The following TTC33 variants were observed in gnomAD, a reference collection of about 807,000 sequenced individuals.
TTC33 encodes tetratricopeptide repeat protein 33.
TTC33 carries 24 observed loss-of-function variants against 29.4 expected under a neutral mutation model. The ratio of observed to expected loss-of-function variants is 0.82; its 90% CI spans 0.59 to 1.15. The LOEUF (loss-of-function observed/expected upper bound fraction) is 1.15, where lower values mean the gene tolerates loss of function less well. Among genes scored for constraint, TTC33 ranks in the 50% most tolerant of loss-of-function variants. The pLI is 0.00. For missense variants in TTC33, 286 were observed against 310.4 expected (o/e 0.92, Z 0.59); for synonymous variants, 107 against 100.3 (o/e 1.07, Z -0.40).
chr5:40,738,819 T>A (rs534994199), intron 2 of TTC33, among the ~76,000 whole-genome samples: 1 of 152,160 alleles, frequency 6.6e-6, no homozygotes, highest in African/African-American at 2.4e-5. Context: ...CAGCTTTTTT[T>A]ATGCTTCTTG....
At chr5:40,731,072 T>C (rs56752286) in intron 2 of TTC33, among the ~76,000 whole-genome samples, 53,078 of 152,066 alleles carry the variant, frequency 0.35, 10,200 homozygotes, top group Admixed American at 0.45. Context: ...CTCTAAACAA[T>C]ATTTCCAAAT....
chr5:40,754,845 G>C (rs565262216), intron 1 of TTC33, among the ~76,000 whole-genome samples: 4 of 152,290 alleles, frequency 2.6e-5, no homozygotes, highest in African/African-American at 9.6e-5. Context: ...AACATTCCCA[G>C]TTGTTTCAGA....
intron 2 of TTC33, among the ~76,000 whole-genome samples, chr5:40,741,057 T>TAAA (rs1322227246): frequency 6.6e-6 from 1 of 152,226 alleles, no homozygotes; most frequent in Non-Finnish European, 1.5e-5. Flanking sequence ...TATTTCTGAA[T>TAAA]GTTTCTATTG....
chr5:40,718,512 T>C (rs1456123631), intron 4 of TTC33, among the ~76,000 whole-genome samples: 3 of 151,842 alleles, frequency 2.0e-5, no homozygotes, highest in Non-Finnish European at 4.4e-5. Context: ...CAGGCGGAGG[T>C]GGGCAGATCA....
In TTC33 at chr5:40,728,491, A is replaced by G; in HGVS notation, c.304-15T>C. On this transcript the variant is annotated splice_polypyrimidine_tract_variant and intron_variant, in intron 3 of 4. Transcript: ENST00000337702. The stretch of plus-strand genomic sequence containing the variant: ...GACATTAGCACCTATAGGCAAAAAA[A>G]GACCAAAAAATCTGTCAGTAATATT... The G allele has an allele frequency of 6.3e-7, 1 of 1,578,440 alleles. No individual in the cohort carries two copies. Among genetic ancestry groups the G allele is most frequent in the East Asian group, 2.2e-5 (1 of 44,486 alleles).
At chr5:40,754,886 C>T (rs1418561435) in intron 1 of TTC33, among the ~76,000 whole-genome samples, 1 of 152,212 alleles carries the variant, frequency 6.6e-6, no homozygotes, top group Non-Finnish European at 1.5e-5. Context: ...TATTGTTCCT[C>T]TATGACTATC....
chr5:40,741,420 CA>C (rs1742692807), intron 2 of TTC33, among the ~76,000 whole-genome samples: 1 of 152,188 alleles, frequency 6.6e-6, no homozygotes, highest in East Asian at 1.9e-4. Context: ...ACGAATGGTT[CA>C]GCTTACAACT....
In TTC33 at chr5:40,728,397, T is replaced by A. The variant is rs762832698; in HGVS notation, c.383A>T (p.Glu128Val). 1 of 1,606,868 alleles carries A rather than the reference T, an allele frequency of 6.2e-7. No homozygotes were observed. The highest frequency in any genetic ancestry group is 1.1e-5 in the South Asian group (1 of 90,884). ...MAVQQNPHSW[E>V]SWQTLGRAQL... ...AGCACGTCCCAAAGTCTGCCAAGAC[T>A]CCCATGAATGTGGATTTTGCTGGAC... is the stretch of plus-strand genomic sequence containing the variant. Residue 128 changes from glutamate to valine, a missense_variant, in exon 4 of 5, where the codon GAG becomes GTG. Transcript: ENST00000337702.
chr5:40,739,193 C>T (rs1742640156), intron 2 of TTC33, among the ~76,000 whole-genome samples: 1 of 152,138 alleles, frequency 6.6e-6, no homozygotes, highest in Non-Finnish European at 1.5e-5. Context: ...TATAAGTTCC[C>T]TAAGTATGTT....
chr5:40,743,837 C>T (rs755117990), intron 2 of TTC33, among the ~76,000 whole-genome samples: 49 of 152,150 alleles, frequency 3.2e-4, no homozygotes, highest in Non-Finnish European at 6.5e-4. Context: ...AAAATAAATG[C>T]TAAAGAGCAA....
At chr5:40,730,764 A>G (rs1280005950) in intron 2 of TTC33, among the ~76,000 whole-genome samples, 1 of 152,214 alleles carries the variant, frequency 6.6e-6, no homozygotes, top group Non-Finnish European at 1.5e-5. Context: ...GCAACTTACT[A>G]AAGTACAAAA....
chr5:40,711,728 CAT>C lies in TTC33; in HGVS notation c.*4415_*4416del, dbSNP rs2111848666. 1.3e-5 allele frequency among the ~76,000 whole-genome samples: 2 copies of C among 152,148 alleles called. No homozygotes were observed. Among genetic ancestry groups the C allele is most frequent in the East Asian group, 3.9e-4 (2 of 5,170 alleles). Reference sequence around the variant, plus strand: ...TAAAAAGGAACTTATTATTGATACACATGATAACATGGATGAATCTCAACATG... The same window carrying C: ...TAAAAAGGAACTTATTATTGATACACGATAACATGGATGAATCTCAACATG... On this transcript the variant is annotated 3_prime_UTR_variant, in exon 5 of 5. Transcript: ENST00000337702.
chr5:40,752,337 G>A (rs1423825614), intron 1 of TTC33, among the ~76,000 whole-genome samples: 1 of 152,184 alleles, frequency 6.6e-6, no homozygotes, highest in Non-Finnish European at 1.5e-5. Flanking sequence ...TTTCATTGAA[G>A]AACTTTTCCT....
Position 40,716,150 on chromosome 5 carries a change from G to C in TTC33, c.784C>G (p.Arg262Gly). 1 of 1,596,282 alleles carries C rather than the reference G, an allele frequency of 6.3e-7. No individual in the cohort carries two copies. The highest frequency in any genetic ancestry group is 8.5e-7 in the Non-Finnish European group (1 of 1,169,590). ...ATAATCCTATGCATACTGCTTCATC[G>C]GGCTTTGATAAAAACAGAGCCATCT... ...PPDGSVFIKA[R>G] The change falls in exon 5 of 5, where the codon CGA becomes GGA. Residue 262 changes from arginine (R) to glycine (G), a missense_variant. Arg to Gly is a moderately radical substitution (Grantham distance 125). Transcript: ENST00000337702.
rs2111853663 is a variant in TTC33, at chr5:40,713,980, T to C, written c.*2165A>G. ...ATGAGCTGCCTTCCTTCTCCATAAC[T>C]TACTGTTTCTTTTTCTCCTCTGTCT... is the stretch of plus-strand genomic sequence containing the variant. On this transcript the variant is annotated 3_prime_UTR_variant, in exon 5 of 5. Coordinates refer to ENST00000337702, the MANE Select transcript of TTC33 (RefSeq NM_012382.3). Among the ~76,000 whole-genome samples the C allele has an allele frequency of 6.6e-6, 1 of 152,322 alleles. No homozygotes were observed. The highest frequency in any genetic ancestry group is 2.1e-4 in the South Asian group (1 of 4,828).
chr5:40,716,468 T>A lies in TTC33; in HGVS notation c.466A>T (p.Ile156Phe). 6.3e-7 allele frequency: 1 copy of A among 1,598,948 alleles called. No homozygotes were observed. The highest frequency in any genetic ancestry group is 8.5e-7 in the Non-Finnish European group (1 of 1,174,012). The change falls in exon 5 of 5, where the codon ATC (isoleucine) becomes TTC (phenylalanine). Residue 156 changes from isoleucine to phenylalanine, a missense_variant. Ile to Phe is a conservative substitution (Grantham distance 21). Coordinates refer to ENST00000337702, the MANE Select transcript of TTC33 (RefSeq NM_012382.3). ...AIRSFQVALH[I>F]YPMNPEIWKE... ...CATATTTCAGGGTTCATTGGATAGA[T>A]GTGAAGGGCTACTTGAAAACTTCGA...
chr5:40,715,327 T>C lies in TTC33; in HGVS notation c.*818A>G, dbSNP rs566294105. On this transcript the variant is annotated 3_prime_UTR_variant, in exon 5 of 5. Coordinates refer to ENST00000337702, the MANE Select transcript of TTC33 (RefSeq NM_012382.3). ...AAATAAAGAAAAGAAAGTATTGGTT[T>C]TGACTGGGATAATATAGCAGTACAA... 6.4e-4 allele frequency: 97 copies of C among 152,330 alleles called. No individual in the cohort carries two copies. The highest frequency in any genetic ancestry group is 2.3e-3 in the African/African-American group (96 of 41,560). 9.4% of individuals were successfully genotyped at this position (152,330 alleles called of 1,614,324 possible). A position where few individuals can be genotyped will look rare whatever the true frequency, so the allele number is the denominator to read the frequency against.
intron 2 of TTC33, among the ~76,000 whole-genome samples, chr5:40,744,787 T>C (rs1462377767): frequency 6.6e-6 from 1 of 152,156 alleles, no homozygotes; most frequent in Non-Finnish European, 1.5e-5. Flanking sequence ...CAGAGGACAA[T>C]GCTTTAAGAT....
intron 2 of TTC33, among the ~76,000 whole-genome samples, chr5:40,745,979 T>A (rs1451855751): frequency 6.6e-6 from 1 of 152,154 alleles, no homozygotes; most frequent in African/African-American, 2.4e-5. Context: ...AGAGATACCA[T>A]TCTATATTTT....
Sources: allele counts gnomAD v4.1 joint callset (sites outside exome capture counted in the v4.1 genomes callset), GRCh38; gene constraint gnomAD v4.1.1; transcripts MANE v1.5; gene names NCBI Gene and HGNC (gene_info 2026-07-23, HGNC 2026-07-21).